Variants in CEP85L observed in about 807,000 individuals in gnomAD.
CEP85L encodes the protein centrosomal protein of 85 kDa-like.
In CEP85L, 60 loss-of-function variants were observed where a neutral mutation model predicts 100.3. The observed-to-expected ratio is 0.60, with a 90% CI of 0.49 to 0.74. CEP85L has a LOEUF of 0.74. Among genes scored for constraint, CEP85L ranks in the 30% least tolerant of loss-of-function variants. CEP85L has a pLI of 0.00. For synonymous variants in CEP85L, 319 were observed against 322.7 expected (o/e 0.99, Z 0.12); for missense variants, 973 against 936.2 (o/e 1.04, Z -0.51).
At position 118,491,861 on chromosome 6, in the gene CEP85L, T is replaced by G; in HGVS notation, c.1262A>C (p.Gln421Pro). The change falls in exon 6 of 13, where the codon CAA (glutamine) becomes CCA (proline). Residue 421 changes from glutamine (Q) to proline (P), a missense_variant. Around this residue, in one of 3 missense-constraint regions of CEP85L, gnomAD observed 890 missense variants for 844.5 expected, o/e 1.05. Coordinates refer to ENST00000368491, the MANE Select transcript of CEP85L (RefSeq NM_001042475.3). ...TGTCTGGAGTGAAGTGTTCTCATAT[T>G]GTGGCTGTTAGGAAAGAAAAAAAGG... ...EDSYVASLQP[Q>P]YENTSLQTPF... 1 of 1,586,338 alleles carries G rather than the reference T, an allele frequency of 6.3e-7. No individual in the cohort carries two copies. Among genetic ancestry groups the G allele is most frequent in the South Asian group, 1.2e-5 (1 of 85,898 alleles).
At chr6:118,481,306 A>G (rs990425243) in intron 8 of CEP85L, among the ~76,000 whole-genome samples, 2 of 151,392 alleles carry the variant, frequency 1.3e-5, no homozygotes, top group Non-Finnish European at 2.9e-5. Context: ...CATTTGTATG[A>G]GTTTTTATTT....
chr6:118,661,794 A>G (rs1464013258), intron 1 of CEP85L, among the ~76,000 whole-genome samples: 1 of 152,246 alleles, frequency 6.6e-6, no homozygotes, highest in East Asian at 1.9e-4. Flanking sequence ...GAAGGAAGAC[A>G]ATTGTAAGTC....
At chr6:118,676,543 G>A (rs1158819503) in intron 1 of CEP85L, among the ~76,000 whole-genome samples, 1 of 152,134 alleles carries the variant, frequency 6.6e-6, no homozygotes, top group East Asian at 1.9e-4. Context: ...AAGGCTGTAT[G>A]GTATTCCATC....
At chr6:118,589,492 C>T in intron 2 of CEP85L, 1 of 254,726 alleles carries the variant, frequency 3.9e-6, no homozygotes, top group Non-Finnish European at 8.6e-6. Flanking sequence ...AGCTGTGTCC[C>T]CTGGGAAAAG....
At chr6:118,535,437 T>G (rs1777536001) in intron 3 of CEP85L, among the ~76,000 whole-genome samples, 1 of 152,224 alleles carries the variant, frequency 6.6e-6, no homozygotes, top group South Asian at 2.1e-4. Flanking sequence ...CACACTTCTC[T>G]TGTAGTAAAA....
chr6:118,494,355 A>G (rs1405055312), intron 5 of CEP85L, among the ~76,000 whole-genome samples: 3 of 152,208 alleles, frequency 2.0e-5, no homozygotes, highest in Non-Finnish European at 4.4e-5. Flanking sequence ...CATTTAAAAT[A>G]TGCCAGAGCA....
intron 10 of CEP85L, among the ~76,000 whole-genome samples, 187 bp downstream of exon 10, chr6:118,479,684 T>C (rs1773637184): frequency 6.6e-6 from 1 of 152,144 alleles, no homozygotes; most frequent in Non-Finnish European, 1.5e-5. Flanking sequence ...TTTACAATTT[T>C]TTAGGATTAA....
chr6:118,464,387 G>A lies in CEP85L; in HGVS notation c.*1018C>T, dbSNP rs1772378091. ...TAAAATACAATCTCAATTAAAAAAT[G>A]TTTATGCTACTGTTGATTCAGATAT... is the stretch of plus-strand genomic sequence containing the variant. On this transcript the variant is annotated 3_prime_UTR_variant, in exon 13 of 13. Transcript: ENST00000368491. 6.6e-6 allele frequency: 1 copy of A among 152,038 alleles called. No homozygotes were observed. The highest frequency in any genetic ancestry group is 1.5e-5 in the Non-Finnish European group (1 of 67,966). The allele number at this position is 152,038 out of a possible 1,614,324, so 9.4% of individuals were successfully genotyped here. A position where few individuals can be genotyped will look rare whatever the true frequency, so the allele number is the denominator to read the frequency against.
intron 2 of CEP85L, among the ~76,000 whole-genome samples, chr6:118,617,374 T>A (rs1178841552): frequency 6.6e-6 from 1 of 152,206 alleles, no homozygotes; most frequent in Admixed American, 6.5e-5. Context: ...TTTTCTGTGA[T>A]CAGTGGGCCT....
At chr6:118,572,789 C>T (rs903480119) in intron 2 of CEP85L, among the ~76,000 whole-genome samples, 3 of 151,928 alleles carry the variant, frequency 2.0e-5, no homozygotes, top group Non-Finnish European at 2.9e-5. Context: ...AGGCCGGGTG[C>T]GGTGGCTCAC....
chr6:118,607,886 T>C (rs1218155147), intron 2 of CEP85L, among the ~76,000 whole-genome samples: 1 of 152,110 alleles, frequency 6.6e-6, no homozygotes, highest in Non-Finnish European at 1.5e-5. Context: ...GTTTCTGCAG[T>C]ATAGTCCCTT....
At chr6:118,702,132 AATTCT>A (rs1388584767) in intron 1 of CEP85L, among the ~76,000 whole-genome samples, 41 of 152,140 alleles carry the variant, frequency 2.7e-4, no homozygotes, top group Non-Finnish European at 5.0e-4. Context: ...TTATGGTGGA[AATTCT>A]ATTCTTTTTT....
chr6:118,626,145 G>C (rs570706848), intron 2 of CEP85L, among the ~76,000 whole-genome samples: 1 of 152,244 alleles, frequency 6.6e-6, no homozygotes, highest in East Asian at 1.9e-4. Context: ...TTGAGTAGGG[G>C]CTTGGAAAGC....
At chr6:118,539,329 A>T (rs1562242238) in intron 3 of CEP85L, among the ~76,000 whole-genome samples, 1 of 152,212 alleles carries the variant, frequency 6.6e-6, no homozygotes, top group East Asian at 1.9e-4. Context: ...AGTATTTAGT[A>T]CAATAACATT....
At chr6:118,563,359 A>G (rs2114987720) in intron 3 of CEP85L, among the ~76,000 whole-genome samples, 1 of 152,252 alleles carries the variant, frequency 6.6e-6, no homozygotes, top group South Asian at 2.1e-4. Context: ...TAACCTGGGG[A>G]GTGGGGAGCT....
Position 118,479,980 on chromosome 6 carries a change from C to T in CEP85L, c.1864-59G>A, listed in dbSNP as rs759040581. On this transcript the variant is annotated intron_variant, in intron 9 of 12. Coordinates refer to ENST00000368491, the MANE Select transcript of CEP85L (RefSeq NM_001042475.3). ...TTTTTACATCGCTTCTTAAAAGTAC[C>T]AACATTTCAAGAAAACAGCACAGAA... 6.6e-5 allele frequency: 57 copies of T among 858,198 alleles called. No individual in the cohort carries two copies. The Admixed American group carries it at 1.6e-3, about 24-fold the overall frequency. The allele number at this position is 858,198 out of a possible 1,614,324, so 53.2% of individuals were successfully genotyped here. A position where few individuals can be genotyped will look rare whatever the true frequency, so the allele number is the denominator to read the frequency against.
At chr6:118,599,640 TG>T (rs1167514783) in intron 2 of CEP85L, among the ~76,000 whole-genome samples, 5 of 152,172 alleles carry the variant, frequency 3.3e-5, no homozygotes, top group Non-Finnish European at 7.3e-5. Context: ...GGTAAAATAC[TG>T]TTTTATAGAA....
intron 2 of CEP85L, among the ~76,000 whole-genome samples, chr6:118,603,608 GT>G (rs975531086): frequency 3.3e-5 from 5 of 152,300 alleles, no homozygotes; most frequent in Admixed American, 1.3e-4. Context: ...CTCAAAAGAA[GT>G]TTTCTTGACT....
intron 1 of CEP85L, among the ~76,000 whole-genome samples, chr6:118,641,257 G>A (rs760117135): frequency 2.0e-5 from 3 of 151,996 alleles, no homozygotes; most frequent in Non-Finnish European, 2.9e-5. Flanking sequence ...CAAACCCAAT[G>A]CCCATCTCTC....
Sources: gnomAD v4.1 joint callset for allele counts (sites outside exome capture counted in the v4.1 genomes callset) on GRCh38, gnomAD v4.1.1 for gene constraint, gnomAD v4.1.1 regional missense constraint, MANE v1.5 for transcripts, NCBI Gene and HGNC (gene_info 2026-07-23, HGNC 2026-07-21) for gene names.